Variants in NAV2 observed in about 807,000 individuals in gnomAD.
NAV2 encodes the protein helicase, APC down-regulated 1.
NAV2 carries 54 observed loss-of-function variants against 223.2 expected under a neutral mutation model. The observed-to-expected ratio is 0.24, with a 90% CI of 0.19 to 0.30. NAV2 has a LOEUF of 0.30. Among genes scored for constraint, NAV2 ranks in the 10% least tolerant of loss-of-function variants. NAV2 has a pLI of 1.00. For missense variants in NAV2, 2,806 were observed against 3,147.5 expected (o/e 0.89, Z 2.60); for synonymous variants, 1,279 against 1,239.3 (o/e 1.03, Z -0.67).
At chr11:19,590,578 TGG>T (rs2046031617) in intron 1 of NAV2, among the ~76,000 whole-genome samples, 1 of 152,172 alleles carries the variant, frequency 6.6e-6, no homozygotes, top group African/African-American at 2.4e-5. Flanking sequence ...AGTTTATATC[TGG>T]AAAAGCTGTC....
intron 1 of NAV2, among the ~76,000 whole-genome samples, chr11:19,579,169 C>T (rs2045646459): frequency 3.9e-5 from 6 of 152,200 alleles, no homozygotes; most frequent in Admixed American, 3.9e-4. Flanking sequence ...GACTGTCCAC[C>T]ACTTCTGAGC....
At chr11:19,357,310 G>A (rs1435866855) in intron 1 of NAV2, among the ~76,000 whole-genome samples, 3 of 152,182 alleles carry the variant, frequency 2.0e-5, no homozygotes, top group Non-Finnish European at 4.4e-5. Context: ...ACTGGAGGGA[G>A]AAAGAGCAGC....
chr11:19,556,467 C>T (rs1431557680), intron 1 of NAV2, among the ~76,000 whole-genome samples: 1 of 152,166 alleles, frequency 6.6e-6, no homozygotes, highest in Admixed American at 6.5e-5. Flanking sequence ...GCTGGAGGAA[C>T]CACAGCAGGG....
intron 6 of NAV2, among the ~76,000 whole-genome samples, chr11:19,903,794 GATA>G (rs2153195510): frequency 6.6e-6 from 1 of 152,316 alleles, no homozygotes; most frequent in South Asian, 2.1e-4. Flanking sequence ...TGCTTGGGAG[GATA>G]ATAACTTGCA....
chr11:19,691,562 T>C (rs1449043276), intron 1 of NAV2, among the ~76,000 whole-genome samples: 1 of 151,960 alleles, frequency 6.6e-6, no homozygotes, highest in Non-Finnish European at 1.5e-5. Context: ...TTTATTTTTA[T>C]TTTTATTTAT....
chr11:19,959,968 A>G (rs559085681), intron 10 of NAV2, among the ~76,000 whole-genome samples: 22 of 152,280 alleles, frequency 1.4e-4, no homozygotes, highest in Admixed American at 1.3e-4. Context: ...CACAGCCAGC[A>G]TTTGGGTGTT....
chr11:19,717,004 C>T (rs2050365404), intron 1 of NAV2, among the ~76,000 whole-genome samples: 1 of 152,148 alleles, frequency 6.6e-6, no homozygotes, highest in Non-Finnish European at 1.5e-5. Context: ...GGCACTAGAT[C>T]CCATGTCTTT....
At chr11:19,880,217 A>C in intron 5 of NAV2, 90 bp downstream of exon 5, 5 of 1,439,934 alleles carry the variant, frequency 3.5e-6, no homozygotes, top group Non-Finnish European at 4.6e-6. Flanking sequence ...TGGCTTTTTC[A>C]TTTGTGCTTC....
At chr11:19,614,653 C>A (rs75232780) in intron 1 of NAV2, among the ~76,000 whole-genome samples, 3,910 of 152,224 alleles carry the variant, frequency 0.026, 135 homozygotes, top group African/African-American at 0.08. Flanking sequence ...GTCTTTTCAA[C>A]ACACACATCT....
chr11:19,389,315 A>T (rs973761331), intron 1 of NAV2, among the ~76,000 whole-genome samples: 1 of 152,248 alleles, frequency 6.6e-6, no homozygotes, highest in Non-Finnish European at 1.5e-5. Flanking sequence ...TAAGATAGAG[A>T]CTTCAGTCTT....
At chr11:19,722,876 A>C (rs925310251) in intron 1 of NAV2, among the ~76,000 whole-genome samples, 2 of 152,204 alleles carry the variant, frequency 1.3e-5, no homozygotes, top group Admixed American at 1.3e-4. Flanking sequence ...AAGCTCTCCA[A>C]CACCAGGTCT....
At chr11:19,687,767 G>A (rs2049063132) in intron 1 of NAV2, among the ~76,000 whole-genome samples, 1 of 89,046 alleles carries the variant, frequency 1.1e-5, no homozygotes. Context: ...GTGTACATGT[G>A]CATGTGTGTA....
intron 1 of NAV2, among the ~76,000 whole-genome samples, chr11:19,395,344 G>A (rs1225556545): frequency 6.6e-6 from 1 of 152,220 alleles, no homozygotes; most frequent in Non-Finnish European, 1.5e-5. Context: ...CATTTGTTCA[G>A]TGTGCATTTT....
At chr11:19,351,871 C>A (rs886155377) in intron 1 of NAV2, among the ~76,000 whole-genome samples, 1 of 147,558 alleles carries the variant, frequency 6.8e-6, no homozygotes, top group Admixed American at 6.8e-5. Flanking sequence ...GGGTATCCCT[C>A]TCCTCCTGAG....
chr11:19,482,720 G>A (rs1369924511), intron 1 of NAV2, among the ~76,000 whole-genome samples: 1 of 152,210 alleles, frequency 6.6e-6, no homozygotes, highest in Non-Finnish European at 1.5e-5. Context: ...TGGCATGGAG[G>A]AGAATGCATA....
Position 20,045,478 on chromosome 11 carries a change from C to T in NAV2, c.3710C>T (p.Ala1237Val). The T allele has an allele frequency of 6.2e-7, 1 of 1,614,142 alleles. No individual in the cohort carries two copies. The highest frequency in any genetic ancestry group is 8.5e-7 in the Non-Finnish European group (1 of 1,180,004). Reference sequence around the variant, plus strand: ...AAACTGAGGGAGCCTTCCAAAACAGCCCTAGGCAGCTCTCTACCAGGTCTG... The same window carrying T: ...AAACTGAGGGAGCCTTCCAAAACAGTCCTAGGCAGCTCTCTACCAGGTCTG... ...VPKLREPSKT[A>V]LGSSLPGLVN... Residue 1237 changes from alanine (A) to valine (V), a missense_variant, in exon 14 of 38, where the codon GCC becomes GTC. Around this residue, in one of 4 missense-constraint regions of NAV2, gnomAD observed 742 missense variants for 777.9 expected, o/e 0.95. Coordinates refer to ENST00000349880, the MANE Select transcript of NAV2 (RefSeq NM_145117.5).
chr11:19,483,665 C>T (rs188580185), intron 1 of NAV2, among the ~76,000 whole-genome samples: 10 of 152,234 alleles, frequency 6.6e-5, no homozygotes, highest in East Asian at 3.9e-4. Flanking sequence ...GTAATGGCCA[C>T]GGTGCGTGAT....
chr11:19,589,876 T>C (rs887244077), intron 1 of NAV2, among the ~76,000 whole-genome samples: 1 of 152,136 alleles, frequency 6.6e-6, no homozygotes, highest in Non-Finnish European at 1.5e-5. Context: ...GGAAGGGGAA[T>C]GTCAGGAGGA....
At chr11:20,049,224 T>C in intron 15 of NAV2, 29 bp downstream of exon 15, 1 of 1,453,566 alleles carries the variant, frequency 6.9e-7, no homozygotes, top group Admixed American at 2.1e-5. Context: ...GCTGCCTTTC[T>C]CAGAAAGACA....
Sources: gnomAD v4.1 joint callset for allele counts (sites outside exome capture counted in the v4.1 genomes callset) on GRCh38, gnomAD v4.1.1 for gene constraint, gnomAD v4.1.1 regional missense constraint, MANE v1.5 for transcripts, NCBI Gene and HGNC (gene_info 2026-07-23, HGNC 2026-07-21) for gene names.